The following EPS8 variants were observed in gnomAD, a reference collection of about 807,000 sequenced individuals.
The protein encoded by EPS8 is epidermal growth factor receptor kinase substrate 8.
EPS8 carries 42 observed loss-of-function variants against 103.8 expected under a neutral mutation model. The observed-to-expected ratio is 0.40, with a 90% CI of 0.32 to 0.52. The LOEUF (loss-of-function observed/expected upper bound fraction) is 0.52, where lower values mean the gene tolerates loss of function less well. Ranked by LOEUF, EPS8 falls within the 20% of genes least tolerant of loss-of-function variation. The pLI is 0.40. For missense variants in EPS8, 969 were observed against 1,005.1 expected, an observed-to-expected ratio of 0.96 and a Z score of 0.49; for synonymous variants, 344 against 344.6, an observed-to-expected ratio of 1.00 and a Z score of 0.02.
At chr12:15,719,433 T>A (rs1168796925) in intron 1 of EPS8, among the ~76,000 whole-genome samples, 1 of 152,154 alleles carries the variant, frequency 6.6e-6, no homozygotes, top group Non-Finnish European at 1.5e-5. Flanking sequence ...TTGAAGCTTG[T>A]ATGTTACCAA....
rs771459987 is a variant in EPS8 at position 15,751,909 on chromosome 12, C to T, written c.-22+37252G>A. On this transcript the variant is annotated intron_variant, in intron 1 of 20. Transcript: ENST00000281172. The surrounding 1 kb of genome is among the most constrained non-coding windows in gnomAD (Gnocchi z 4.3). The stretch of plus-strand genomic sequence containing the variant: ...AATCTGGCATGTGTGTAGGCATGGG[C>T]GTGGGGGAGGTGGAGAGCCAGAAAA... Among the ~76,000 whole-genome samples, 66 of 151,836 alleles carry T rather than the reference C, an allele frequency of 4.3e-4. No homozygotes were observed. Among genetic ancestry groups the T allele is most frequent in the South Asian group, 8.3e-4 (4 of 4,798 alleles).
intron 17 of EPS8, among the ~76,000 whole-genome samples, chr12:15,639,083 T>C (rs969677341): frequency 3.3e-5 from 5 of 152,230 alleles, no homozygotes; most frequent in African/African-American, 1.2e-4. Flanking sequence ...GATAATTGTT[T>C]TCAAAACTTA....
intron 1 of EPS8, among the ~76,000 whole-genome samples, chr12:15,768,316 T>A (rs963731256): frequency 1.4e-5 from 2 of 145,478 alleles, no homozygotes; most frequent in African/African-American, 5.1e-5. Context: ...CGGGCACCTG[T>A]AATCCCAGCT....
In EPS8 at chr12:15,747,075, A is replaced by C. The variant is rs373958062; in HGVS notation, c.-22+42086T>G. On this transcript the variant is annotated intron_variant, in intron 1 of 20. Coordinates refer to ENST00000281172, the MANE Select transcript of EPS8 (RefSeq NM_004447.6). This position sits in a 1 kb window ranked among gnomAD's most constrained non-coding sequence, Gnocchi z 4.4. Reference sequence around the variant, plus strand: ...TTTGTACGCAGGAAGTGTTCAGAGAAAATAAACAAACTTTTCAAACCAGAA... The same window carrying C: ...TTTGTACGCAGGAAGTGTTCAGAGACAATAAACAAACTTTTCAAACCAGAA... Among the ~76,000 whole-genome samples, 10 of 152,198 alleles carry C rather than the reference A, an allele frequency of 6.6e-5. No homozygotes were observed. Among genetic ancestry groups the C allele is most frequent in the African/African-American group, 2.4e-4 (10 of 41,428 alleles).
intron 1 of EPS8, among the ~76,000 whole-genome samples, chr12:15,770,954 G>T (rs1221177339): frequency 6.6e-6 from 1 of 152,076 alleles, no homozygotes; most frequent in East Asian, 1.9e-4. Context: ...AGGCTTTAAG[G>T]CCTGTCCAAA....
chr12:15,658,751 T>TA (rs1268823903), intron 10 of EPS8, among the ~76,000 whole-genome samples, 166 bp from the exon 11 acceptor site: 4 of 152,162 alleles, frequency 2.6e-5, no homozygotes, highest in African/African-American at 9.6e-5. Flanking sequence ...ACTGAGAAGA[T>TA]ACAAATTTCA....
chr12:15,778,929 A>C lies in EPS8; in HGVS notation c.-22+10232T>G, dbSNP rs1389440466. ...TTAATTTCAAGAAATCCAAGTCCCC[A>C]AAAAAGAAGGCAAACCAAGATTTTA... On this transcript the variant is annotated intron_variant, in intron 1 of 20. Transcript: ENST00000281172. The surrounding 1 kb of genome is among the most constrained non-coding windows in gnomAD (Gnocchi z 4.5). Among the ~76,000 whole-genome samples the C allele has an allele frequency of 1.3e-5, 2 of 152,070 alleles. No homozygotes were observed. Among genetic ancestry groups the C allele is most frequent in the Non-Finnish European group, 2.9e-5 (2 of 68,044 alleles).
chr12:15,647,354 T>C, intron 14 of EPS8, 94 bp from the exon 15 acceptor site: 1 of 1,112,580 alleles, frequency 9.0e-7, no homozygotes, highest in South Asian at 1.8e-5. Flanking sequence ...TATATTGTGA[T>C]AAGTTTTCAT....
intron 1 of EPS8, among the ~76,000 whole-genome samples, chr12:15,708,770 C>T (rs1054227323): frequency 6.6e-6 from 1 of 152,216 alleles, no homozygotes. Flanking sequence ...TGTATTTATT[C>T]TCACACTATG....
At chr12:15,737,056 T>C (rs1349548740) in intron 1 of EPS8, among the ~76,000 whole-genome samples, 1 of 152,186 alleles carries the variant, frequency 6.6e-6, no homozygotes, top group Non-Finnish European at 1.5e-5. Context: ...GAGATGTTAG[T>C]ATAGTTAACA....
At chr12:15,765,462 A>G (rs1947083749) in intron 1 of EPS8, among the ~76,000 whole-genome samples, 1 of 152,176 alleles carries the variant, frequency 6.6e-6, no homozygotes, top group African/African-American at 2.4e-5. Flanking sequence ...GAGGGCAAAA[A>G]TAAATAAATA....
intron 1 of EPS8, among the ~76,000 whole-genome samples, chr12:15,782,360 G>T (rs754750459): frequency 4.6e-5 from 7 of 152,028 alleles, no homozygotes; most frequent in Non-Finnish European, 7.4e-5. Context: ...AATTAGCCAG[G>T]CCTGGTGATA....
Position 15,759,518 on chromosome 12 carries a change from T to C in EPS8, c.-22+29643A>G, listed in dbSNP as rs2136028795. 6.6e-6 allele frequency among the ~76,000 whole-genome samples: 1 copy of C among 152,184 alleles called. No individual in the cohort carries two copies. The highest frequency in any genetic ancestry group is 2.4e-5 in the African/African-American group (1 of 41,558). On this transcript the variant is annotated intron_variant, in intron 1 of 20. Coordinates refer to ENST00000281172, the MANE Select transcript of EPS8 (RefSeq NM_004447.6). The surrounding 1 kb of genome is among the most constrained non-coding windows in gnomAD (Gnocchi z 4.9). The stretch of plus-strand genomic sequence containing the variant: ...TTCAGTAGGAAAAACAGAATTCCAA[T>C]TGTGTTTTCATTATAAAATTATGGT...
intron 3 of EPS8, among the ~76,000 whole-genome samples, chr12:15,673,692 T>C (rs1294616027): frequency 1.3e-5 from 2 of 152,186 alleles, no homozygotes; most frequent in African/African-American, 2.4e-5. Flanking sequence ...ACATTTTCCT[T>C]TCCAAATTAA....
chr12:15,730,569 C>T (rs1275470834), intron 1 of EPS8, among the ~76,000 whole-genome samples: 1 of 152,146 alleles, frequency 6.6e-6, no homozygotes, highest in African/African-American at 2.4e-5. Flanking sequence ...AACGATGGGA[C>T]TTTAAGATAG....
intron 1 of EPS8, among the ~76,000 whole-genome samples, chr12:15,750,637 A>G (rs774973590): frequency 2.0e-5 from 3 of 152,192 alleles, no homozygotes; most frequent in Non-Finnish European, 4.4e-5. Flanking sequence ...CTCAACACCA[A>G]CCACAGGATG....
rs2136038974 is a variant in EPS8 at position 15,767,613 on chromosome 12, C to T, written c.-22+21548G>A. ...CAGTGAACTAAATGCCCTATTTTTC[C>T]AATACATTAAAAAAGGCTTATATTC... On this transcript the variant is annotated intron_variant, in intron 1 of 20. Transcript: ENST00000281172. This position sits in a 1 kb window ranked among gnomAD's most constrained non-coding sequence, Gnocchi z 5.5. Among the ~76,000 whole-genome samples, 1 of 152,154 alleles carries T rather than the reference C, an allele frequency of 6.6e-6. No individual in the cohort carries two copies. The highest frequency in any genetic ancestry group is 1.5e-5 in the Non-Finnish European group (1 of 67,964).
At position 15,771,992 on chromosome 12, in the gene EPS8, C is replaced by T. The variant is rs527661648; in HGVS notation, c.-22+17169G>A. Among the ~76,000 whole-genome samples, 103 of 151,980 alleles carry T rather than the reference C, an allele frequency of 6.8e-4. No individual in the cohort carries two copies. Among genetic ancestry groups the T allele is most frequent in the Admixed American group, 1.2e-3 (19 of 15,264 alleles). ...ACAAAAAATTAGCAGGGCATAGTGG[C>T]GGGCGCCCGTAGTCTTCATTTGTAC... On this transcript the variant is annotated intron_variant, in intron 1 of 20. Coordinates refer to ENST00000281172, the MANE Select transcript of EPS8 (RefSeq NM_004447.6). This position sits in a 1 kb window ranked among gnomAD's most constrained non-coding sequence, Gnocchi z 4.6.
rs141418559 is a variant in EPS8 at position 15,626,712 on chromosome 12, G to A, written c.2045-2305C>T. 1.4e-3 allele frequency among the ~76,000 whole-genome samples: 206 copies of A among 150,676 alleles called. 1 individual carries two copies. The highest frequency in any genetic ancestry group is 4.8e-3 in the African/African-American group (197 of 40,948). On this transcript the variant is annotated intron_variant, in intron 18 of 20. Transcript: ENST00000281172. Reference sequence around the variant, plus strand: ...TCCCAAGTGATCCTAATTACTCCCAGTAAAAGGCCCTACAAGACCTCCACC... The same window carrying A: ...TCCCAAGTGATCCTAATTACTCCCAATAAAAGGCCCTACAAGACCTCCACC...
Sources: gnomAD v4.1 joint callset for allele counts (sites outside exome capture counted in the v4.1 genomes callset) on GRCh38, gnomAD v4.1.1 for gene constraint, Gnocchi (gnomAD v3.1) non-coding constraint, MANE v1.5 for transcripts, NCBI Gene and HGNC (gene_info 2026-07-23, HGNC 2026-07-21) for gene names.